Variants in HDX observed in about 807,000 individuals in gnomAD.
HDX encodes the protein chromosome X open reading frame 43.
HDX carries 19 observed loss-of-function variants against 45.2 expected under a neutral mutation model. That is an observed-to-expected ratio of 0.42 (90% CI 0.29 to 0.62). HDX has a LOEUF of 0.62. Ranked by LOEUF, HDX falls within the 20% of genes least tolerant of loss-of-function variation. The pLI, the probability that HDX is intolerant of heterozygous loss-of-function variation, is 0.20. For missense variants in HDX, 532 were observed against 493.9 expected (o/e 1.08, Z -0.73); for synonymous variants, 188 against 172.8 (o/e 1.09, Z -0.69).
intron 7 of HDX, among the ~76,000 whole-genome samples, chrX:84,338,069 T>C (rs1482069234): frequency 9.0e-6 from 1 of 111,320 alleles, no homozygotes; most frequent in Non-Finnish European, 1.9e-5. Context: ...TACTTCACCT[T>C]AGGAAGCAGA....
At chrX:84,392,672 C>G (rs890065997) in intron 5 of HDX, among the ~76,000 whole-genome samples, 5 of 110,202 alleles carry the variant, frequency 4.5e-5, no homozygotes, top group African/African-American at 1.6e-4. Flanking sequence ...ACTTTTTTAG[C>G]TATGGTAAAT....
At chrX:84,362,134 A>C (rs955293310) in intron 5 of HDX, among the ~76,000 whole-genome samples, 1 of 111,646 alleles carries the variant, frequency 9.0e-6, no homozygotes, top group South Asian at 3.8e-4. Context: ...TGAATTAAAA[A>C]GGTAAATAAG....
intron 2 of HDX, among the ~76,000 whole-genome samples, chrX:84,484,291 A>G (rs1050212375): frequency 8.9e-6 from 1 of 111,930 alleles, no homozygotes; most frequent in Non-Finnish European, 1.9e-5. Context: ...TGGGTAATTT[A>G]TTAATGAAAG....
chrX:84,396,172 G>T (rs899699704), intron 5 of HDX, among the ~76,000 whole-genome samples: 2 of 112,292 alleles, frequency 1.8e-5, no homozygotes, highest in African/African-American at 6.5e-5. Context: ...CACATGTAGT[G>T]TAACAATTGC....
chrX:84,487,778 C>T (rs2040824460), intron 2 of HDX, among the ~76,000 whole-genome samples: 1 of 112,090 alleles, frequency 8.9e-6, no homozygotes, highest in Non-Finnish European at 1.9e-5. Context: ...ATAGGGTTTC[C>T]CTTAGAGTTT....
At chrX:84,491,078 T>C (rs1250083765) in intron 1 of HDX, among the ~76,000 whole-genome samples, 2 of 111,610 alleles carry the variant, frequency 1.8e-5, no homozygotes, top group East Asian at 5.6e-4. Flanking sequence ...TGTGGGTTCA[T>C]AGATTTCATC....
At chrX:84,472,966 T>C (rs2040479889) in intron 3 of HDX, among the ~76,000 whole-genome samples, 1 of 108,676 alleles carries the variant, frequency 9.2e-6, no homozygotes, top group African/African-American at 3.3e-5. Context: ...ATAAGATGGG[T>C]CAAATGAAAT....
At chrX:84,460,407 G>A (rs563647908) in intron 4 of HDX, among the ~76,000 whole-genome samples, 1 of 112,048 alleles carries the variant, frequency 8.9e-6, no homozygotes, top group South Asian at 3.7e-4. Context: ...TAACCAATGT[G>A]ATACATCATA....
At chrX:84,447,787 A>C (rs1217601162) in intron 4 of HDX, among the ~76,000 whole-genome samples, 1 of 111,550 alleles carries the variant, frequency 9.0e-6, no homozygotes, top group Non-Finnish European at 1.9e-5. Flanking sequence ...CATTGGCTGT[A>C]ATCCTTCTGC....
chrX:84,487,316 G>T (rs1039185884), intron 2 of HDX, among the ~76,000 whole-genome samples: 1 of 111,905 alleles, frequency 8.9e-6, no homozygotes, highest in African/African-American at 3.2e-5. Context: ...CAACATCTGG[G>T]TCATATTGGT....
chrX:84,486,073 T>G lies in HDX; in HGVS notation c.-1+1951A>C, dbSNP rs775677174. Among the ~76,000 whole-genome samples, 4 of 112,258 alleles carry G rather than the reference T, an allele frequency of 3.6e-5. No individual in the cohort carries two copies. The South Asian group carries it at 1.5e-3, about 41-fold the overall frequency. ...TATGGTTGGATATAGGTATACCATA[T>G]TATTTGTTGTTTTCTGTTTGTCCCT... On this transcript the variant is annotated intron_variant, in intron 2 of 10. Transcript: ENST00000373177.
chrX:84,483,860 G>A (rs2040737437), intron 2 of HDX, among the ~76,000 whole-genome samples: 1 of 111,428 alleles, frequency 9.0e-6, no homozygotes, highest in African/African-American at 3.3e-5. Context: ...TATCTCTCAA[G>A]TTCAAAGTTT....
At chrX:84,366,628 A>T (rs146273249) in intron 5 of HDX, among the ~76,000 whole-genome samples, 12,109 of 111,219 alleles carry the variant, frequency 0.11, 626 homozygotes, top group East Asian at 0.27. Flanking sequence ...CTGGTACCAA[A>T]ACAGACAAAT....
chrX:84,449,120 C>T (rs1025139944), intron 4 of HDX, among the ~76,000 whole-genome samples: 1 of 108,575 alleles, frequency 9.2e-6, no homozygotes, highest in South Asian at 3.9e-4. Flanking sequence ...AGACAAAAAA[C>T]AAAAGATAAA....
intron 2 of HDX, among the ~76,000 whole-genome samples, chrX:84,480,447 T>C (rs540246629): frequency 4.5e-5 from 5 of 111,774 alleles, no homozygotes; most frequent in African/African-American, 1.6e-4. Flanking sequence ...AAGCGTTAAA[T>C]CTTTCACCAT....
chrX:84,459,136 T>C (rs1462370652), intron 4 of HDX, among the ~76,000 whole-genome samples: 1 of 111,585 alleles, frequency 9.0e-6, no homozygotes, highest in Non-Finnish European at 1.9e-5. Flanking sequence ...GAACGATCAG[T>C]AGGCTAATTA....
chrX:84,366,728 G>A (rs1263356376), intron 5 of HDX, among the ~76,000 whole-genome samples: 1 of 111,288 alleles, frequency 9.0e-6, no homozygotes, highest in Non-Finnish European at 1.9e-5. Flanking sequence ...AACAAGCAAT[G>A]GGGAGCAACC....
Position 84,475,256 on chromosome X carries a change from C to T in HDX, c.142G>A (p.Val48Ile). 1 of 1,199,610 alleles carries T rather than the reference C, an allele frequency of 8.3e-7. No homozygotes were observed. Among genetic ancestry groups the T allele is most frequent in the Non-Finnish European group, 1.1e-6 (1 of 889,431 alleles). ...TGTAAGACCTCAATACTTACCCTGA[C>T]TACACTGAAGTCCAGCTTAGTCTCC... ...AQETKLDFSVVRTWVGNKRRK... is the reference protein window; with the variant it reads ...AQETKLDFSVIRTWVGNKRRK... Residue 48 changes from valine to isoleucine, a missense_variant, in exon 3 of 11, where the codon GTC becomes ATC. Transcript: ENST00000373177.
At chrX:84,487,317 T>A (rs777808511) in intron 2 of HDX, among the ~76,000 whole-genome samples, 2 of 112,151 alleles carry the variant, frequency 1.8e-5, no homozygotes, top group Non-Finnish European at 3.8e-5. Context: ...AACATCTGGG[T>A]CATATTGGTG....
Sources: gnomAD v4.1 joint callset for allele counts (sites outside exome capture counted in the v4.1 genomes callset) on GRCh38, gnomAD v4.1.1 for gene constraint, MANE v1.5 for transcripts, NCBI Gene and HGNC (gene_info 2026-07-23, HGNC 2026-07-21) for gene names.